Variants in CCDC171 observed in about 807,000 individuals in gnomAD.
CCDC171 encodes coiled-coil domain-containing protein 171.
Under a neutral mutation model 168.2 loss-of-function variants are expected in CCDC171, and 177 were observed. The ratio of observed to expected loss-of-function variants is 1.05; its 90% CI spans 0.93 to 1.19. The LOEUF (loss-of-function observed/expected upper bound fraction) is 1.19, where lower values mean the gene tolerates loss of function less well. CCDC171 is among the 50% of genes most tolerant of loss of function. The pLI, the probability that CCDC171 is intolerant of heterozygous loss-of-function variation, is 0.00. For synonymous variants in CCDC171, 687 were observed against 540.8 expected (o/e 1.27, Z -3.75); for missense variants, 1,991 against 1,539.0 (o/e 1.29, Z -4.91).
chr9:15,677,987 G>A (rs554475897), intron 9 of CCDC171, among the ~76,000 whole-genome samples: 16 of 137,048 alleles, frequency 1.2e-4, no homozygotes, highest in Non-Finnish European at 2.3e-4. Context: ...ATAGCTCACT[G>A]CAACCTTGAA....
In CCDC171 at chr9:16,024,311, C is replaced by G. The variant is rs537868687; in HGVS notation, n.998+1403C>G. The stretch of plus-strand genomic sequence containing the variant: ...AACTAATACAATACCTTAATCCTAT[C>G]CTACCTCAAACTGGACCAGGCCCAT... On this transcript the variant is annotated intron_variant and non_coding_transcript_variant, in intron 6 of 9. Transcript: ENST00000486641. Among the ~76,000 whole-genome samples, 9 of 152,280 alleles carry G rather than the reference C, an allele frequency of 5.9e-5. No individual in the cohort carries two copies. In the East Asian group the frequency reaches 1.7e-3, roughly 29 times the overall value.
At chr9:15,849,659 C>T (rs1044618472) in intron 23 of CCDC171, among the ~76,000 whole-genome samples, 3 of 151,656 alleles carry the variant, frequency 2.0e-5, no homozygotes, top group African/African-American at 7.2e-5. Flanking sequence ...TTATGTGTTT[C>T]TGCTACTGTC....
chr9:15,823,448 T>A (rs2059879930), intron 21 of CCDC171, among the ~76,000 whole-genome samples: 1 of 152,128 alleles, frequency 6.6e-6, no homozygotes, highest in Admixed American at 6.6e-5. Flanking sequence ...TAATTTGCTA[T>A]TTTTAGTGTA....
At chr9:15,869,510 AGT>A (rs1491118239) in intron 23 of CCDC171, among the ~76,000 whole-genome samples, 1 of 69,664 alleles carries the variant, frequency 1.4e-5, no homozygotes. Flanking sequence ...CTGAAAGCGT[AGT>A]GTTTTTTTTT....
chr9:15,693,835 C>G (rs1028055955), intron 10 of CCDC171, among the ~76,000 whole-genome samples: 1 of 152,194 alleles, frequency 6.6e-6, no homozygotes, highest in Non-Finnish European at 1.5e-5. Flanking sequence ...ACCCTTCCCT[C>G]CTTTCCAACT....
chr9:15,691,262 A>G (rs1297587197), intron 10 of CCDC171, among the ~76,000 whole-genome samples: 1 of 152,006 alleles, frequency 6.6e-6, no homozygotes, highest in African/African-American at 2.4e-5. Context: ...GGAGTACTAT[A>G]CAGCTAAAAA....
chr9:15,828,911 T>C (rs1292168837), intron 21 of CCDC171, among the ~76,000 whole-genome samples: 1 of 152,200 alleles, frequency 6.6e-6, no homozygotes, highest in Non-Finnish European at 1.5e-5. Flanking sequence ...GTGAGGTTTC[T>C]CCTTCTTGAC....
At chr9:15,582,560 G>A (rs2041214327) in intron 4 of CCDC171, among the ~76,000 whole-genome samples, 1 of 152,080 alleles carries the variant, frequency 6.6e-6, no homozygotes, top group Admixed American at 6.5e-5. Context: ...ATTGGATAAA[G>A]AAAATATGGC....
At chr9:16,007,162 T>C (rs1832727681) in intron 3 of CCDC171, among the ~76,000 whole-genome samples, 3 of 152,230 alleles carry the variant, frequency 2.0e-5, no homozygotes, top group Admixed American at 6.5e-5. Context: ...TGGTTTTGAT[T>C]TGCATTTCCC....
intron 25 of CCDC171, among the ~76,000 whole-genome samples, chr9:15,952,434 GTT>G (rs1829301431): frequency 6.6e-6 from 1 of 152,094 alleles, no homozygotes; most frequent in South Asian, 2.1e-4. Context: ...GTCTCGCTGT[GTT>G]TCCCAGGCTG....
chr9:15,869,957 A>G (rs559245459), intron 23 of CCDC171, among the ~76,000 whole-genome samples: 66 of 151,958 alleles, frequency 4.3e-4, no homozygotes, highest in Middle Eastern at 3.4e-3. Flanking sequence ...ATATCTCCAG[A>G]GCAGGGGATG....
At chr9:15,779,569 G>A (rs1361710126) in intron 20 of CCDC171, among the ~76,000 whole-genome samples, 2 of 151,944 alleles carry the variant, frequency 1.3e-5, no homozygotes, top group African/African-American at 2.4e-5. Flanking sequence ...CATGTTGGCC[G>A]GGGTGTTCTC....
At chr9:15,674,519 A>G (rs1337942502) in intron 9 of CCDC171, among the ~76,000 whole-genome samples, 2 of 152,060 alleles carry the variant, frequency 1.3e-5, no homozygotes, top group African/African-American at 2.4e-5. Flanking sequence ...TTCCCTCTAC[A>G]CACTTCCTTA....
rs531952173 is a variant in CCDC171 at position 15,800,340 on chromosome 9, T to G, written c.3267+15646T>G. 2.0e-5 allele frequency among the ~76,000 whole-genome samples: 3 copies of G among 152,292 alleles called. No homozygotes were observed. In the South Asian group the frequency reaches 6.2e-4, roughly 32 times the overall value. On this transcript the variant is annotated intron_variant, in intron 21 of 25. Transcript: ENST00000380701. ...GTAAGATGATACCTCATTGTAATTT[T>G]GATATGCATTTCTCTGATGATCAAT... is the stretch of plus-strand genomic sequence containing the variant.
chr9:15,922,772 A>G (rs1337083032), intron 25 of CCDC171, among the ~76,000 whole-genome samples: 1 of 151,582 alleles, frequency 6.6e-6, no homozygotes, highest in Non-Finnish European at 1.5e-5. Context: ...AACAGGAGTG[A>G]GGTGATATCT....
intron 24 of CCDC171, among the ~76,000 whole-genome samples, chr9:15,899,772 G>A (rs1220253768): frequency 6.6e-6 from 1 of 152,034 alleles, no homozygotes; most frequent in Non-Finnish European, 1.5e-5. Flanking sequence ...TATCAGATGT[G>A]TGGTTTGCAA....
chr9:15,824,429 T>G (rs2059928025), intron 21 of CCDC171, among the ~76,000 whole-genome samples: 1 of 151,994 alleles, frequency 6.6e-6, no homozygotes, highest in Non-Finnish European at 1.5e-5. Context: ...TTGGGTGTGG[T>G]TTTTGTCATT....
exon 2 of CCDC171, chr9:16,061,219 G>A (rs140127196): frequency 2.8e-4 from 43 of 152,322 alleles, no homozygotes; most frequent in Admixed American, 1.7e-3. Flanking sequence ...GATGATGAAA[G>A]CGAAAACGTT....
chr9:15,721,831 A>C lies in CCDC171; in HGVS notation c.1381A>C (p.Thr461Pro). The change falls in exon 12 of 26, where the codon ACC (threonine) becomes CCC (proline). Residue 461 changes from threonine to proline, a missense_variant. Physicochemically the swap from Thr to Pro is conservative, Grantham distance 38. Coordinates refer to ENST00000380701, the MANE Select transcript of CCDC171 (RefSeq NM_173550.4). ...FSVVLERLRRTLTDYQNKLED... is the reference protein window; with the variant it reads ...FSVVLERLRRPLTDYQNKLED... The stretch of plus-strand genomic sequence containing the variant: ...TGTTGTCCTTGAGAGATTGAGGCGT[A>C]CCTTGACAGATTACCAGAACAAGCT... The C allele has an allele frequency of 6.4e-7, 1 of 1,564,298 alleles. No individual in the cohort carries two copies. Among genetic ancestry groups the C allele is most frequent in the Non-Finnish European group, 8.7e-7 (1 of 1,153,954 alleles).
Sources: gnomAD v4.1 joint callset for allele counts (sites outside exome capture counted in the v4.1 genomes callset) on GRCh38, gnomAD v4.1.1 for gene constraint, MANE v1.5 for transcripts, NCBI Gene and HGNC (gene_info 2026-07-23, HGNC 2026-07-21) for gene names.